Variants in GZMH observed in about 807,000 individuals in gnomAD.
The protein encoded by GZMH is cathepsin G-like 2, protein h-CCPX.
In GZMH, 24 loss-of-function variants were observed where a neutral mutation model predicts 20.7. The ratio of observed to expected loss-of-function variants is 1.16; its 90% CI spans 0.84 to 1.63. The LOEUF is 1.63. GZMH is among the 40% of genes most tolerant of loss of function. GZMH has a pLI of 0.00. For synonymous variants in GZMH, 119 were observed against 116.1 expected (o/e 1.02, Z -0.16); for missense variants, 344 against 302.7 (o/e 1.14, Z -1.01).
In GZMH at chr14:24,607,393, G is replaced by A; in HGVS notation, c.353C>T (p.Ala118Val). 3 of 1,596,792 alleles carry A rather than the reference G, an allele frequency of 1.9e-6. No homozygotes were observed. Among genetic ancestry groups the A allele is most frequent in the Non-Finnish European group, 2.6e-6 (3 of 1,168,074 alleles). ...DIMLLQLERK[A>V]KWTTAVRPLR... ...AGGCCGCACAGCTGTGGTCCACTTG[G>A]CCTTTCTCTCCAGCTGGTGGGGAAG... The change falls in exon 4 of 5, where the codon GCC (alanine) becomes GTC (valine). Residue 118 changes from alanine to valine, a missense_variant. By Grantham distance (64) the Ala-to-Val change is moderately conservative. Coordinates refer to ENST00000216338, the MANE Select transcript of GZMH (RefSeq NM_033423.5).
intron 4 of GZMH, 142 bp downstream of exon 4, chr14:24,607,007 G>C: frequency 1.1e-6 from 1 of 879,864 alleles, no homozygotes; most frequent in South Asian, 1.6e-5. Context: ...CCAAGGAGTG[G>C]ACTAAAGACT....
chr14:24,607,224 A>T lies in GZMH; in HGVS notation c.522T>A (p.Arg174=), dbSNP rs747212291. ...LTVQKDCQCE[R]LFHGNYSRAT... Reference sequence around the variant, plus strand: ...CTCTGCTGTAATTGCCATGGAAGAGACGTTCACACTGGCAGTCCTTCTGCA... The same window carrying T: ...CTCTGCTGTAATTGCCATGGAAGAGTCGTTCACACTGGCAGTCCTTCTGCA... The change falls in exon 4 of 5, where the codon CGT becomes CGA. Residue 174 remains arginine, a synonymous_variant. Transcript: ENST00000216338. 7 of 1,613,902 alleles carry T rather than the reference A, an allele frequency of 4.3e-6. No individual in the cohort carries two copies. The East Asian group carries it at 1.6e-4, about 36-fold the overall frequency.
rs1178334318 is a variant in GZMH, at chr14:24,609,672, T to C, written c.-59A>G. 8 of 1,281,136 alleles carry C rather than the reference T, an allele frequency of 6.2e-6. No individual in the cohort carries two copies. The highest frequency in any genetic ancestry group is 6.7e-6 in the Non-Finnish European group (6 of 890,386). 79.4% of individuals were successfully genotyped at this position (1,281,136 alleles called of 1,614,324 possible). A position where few individuals can be genotyped will look rare whatever the true frequency, so the allele number is the denominator to read the frequency against. ...GGTGTTGACTCCTTCCAGAAACAAA[T>C]GCTGGAGGGAGATGAAGGAGGGATG... On this transcript the variant is annotated 5_prime_UTR_variant, in exon 1 of 5. Coordinates refer to ENST00000216338, the MANE Select transcript of GZMH (RefSeq NM_033423.5).
chr14:24,607,862 AG>A, intron 2 of GZMH, 115 bp from the exon 3 acceptor site: 13 of 1,469,720 alleles, frequency 8.8e-6, no homozygotes, highest in Non-Finnish European at 1.2e-5. Flanking sequence ...GGGAAGTTGA[AG>A]GGACAGGAGG....
chr14:24,608,376 G>A lies in GZMH; in HGVS notation c.92C>T (p.Ser31Phe). The A allele has an allele frequency of 1.9e-6, 3 of 1,614,162 alleles. No individual in the cohort carries two copies. Among genetic ancestry groups the A allele is most frequent in the Non-Finnish European group, 2.5e-6 (3 of 1,179,984 alleles). Residue 31 changes from serine to phenylalanine, a missense_variant, in exon 2 of 5, where the codon TCC becomes TTC. Ser to Phe is a radical substitution (Grantham distance 155, BLOSUM62 -2). Coordinates refer to ENST00000216338, the MANE Select transcript of GZMH (RefSeq NM_033423.5). ...IIGGHEAKPH[S>F]RPYMAFVQFL... Reference sequence around the variant, plus strand: ...CTGAACAAAGGCCATGTAGGGGCGGGAGTGGGGCTTGGCCTCATGGCCCCC... The same window carrying A: ...CTGAACAAAGGCCATGTAGGGGCGGAAGTGGGGCTTGGCCTCATGGCCCCC...
At chr14:24,608,518 A>G (rs879027221) in intron 1 of GZMH, 106 bp from the exon 2 acceptor site, 1 of 1,270,124 alleles carries the variant, frequency 7.9e-7, no homozygotes, top group South Asian at 1.3e-5. Flanking sequence ...TGCTGCAGAC[A>G]GTGAGGGAGG....
In GZMH at chr14:24,608,331, C is replaced by T. The variant is rs74642009; in HGVS notation, c.137G>A (p.Arg46Gln). The T allele has an allele frequency of 3.1e-4, 496 of 1,614,192 alleles. 5 individuals carry two copies. The East Asian group carries it at 9.0e-3, about 29-fold the overall frequency. The change falls in exon 2 of 5, where the codon CGG (arginine) becomes CAG (glutamine). Residue 46 changes from arginine (R) to glutamine (Q), a missense_variant. Transcript: ENST00000216338. ...AFVQFLQEKS[R>Q]KRCGGILVRK... is the part of the protein sequence containing the mutation. ...CACTAGGATGCCGCCACACCTCTTC[C>T]GACTCTTCTCTTGCAGAAACTGAAC...
Position 24,606,732 on chromosome 14 carries a change from C to A in GZMH, c.612G>T (p.Gly204=). The change falls in exon 5 of 5, where the codon GGG becomes GGT. Residue 204 remains glycine (G), a synonymous_variant. Coordinates refer to ENST00000216338, the MANE Select transcript of GZMH (RefSeq NM_033423.5). ...TQTGFKGDSG[G]PLVCKDVAQG... ...GGGCTACGTCCTTACACACGAGGGGCCCCCCGGAGTCCCCCTGTGAACAGA... is the reference window on the plus strand; with the variant it reads ...GGGCTACGTCCTTACACACGAGGGGACCCCCGGAGTCCCCCTGTGAACAGA... 6.2e-7 allele frequency: 1 copy of A among 1,611,988 alleles called. No individual in the cohort carries two copies. Among genetic ancestry groups the A allele is most frequent in the Non-Finnish European group, 8.5e-7 (1 of 1,178,502 alleles).
At chr14:24,609,538 G>A (rs1432052055) in intron 1 of GZMH, 21 bp downstream of exon 1, 1 of 1,574,484 alleles carries the variant, frequency 6.4e-7, no homozygotes, top group East Asian at 2.3e-5. Context: ...TCAGGCCTCT[G>A]GAATAGGGAT....
Position 24,609,561 on chromosome 14 carries a change from G to C in GZMH, c.53C>G (p.Thr18Arg). The C allele has an allele frequency of 2.5e-6, 4 of 1,605,264 alleles. No homozygotes were observed. Among genetic ancestry groups the C allele is most frequent in the Non-Finnish European group, 3.4e-6 (4 of 1,174,410 alleles). Reference sequence around the variant, plus strand: ...CTGGAATAGGGATAGTCACTTACCTGTCCCAGCCCCAGGGGTCAGAAGAAA... The same window carrying C: ...CTGGAATAGGGATAGTCACTTACCTCTCCCAGCCCCAGGGGTCAGAAGAAA... ...LAFLLTPGAG[T>R]EEIIGGHEAK... Residue 18 changes from threonine (T) to arginine (R), a missense_variant and splice_region_variant, in exon 1 of 5, where the codon ACA (threonine) becomes AGA (arginine). Transcript: ENST00000216338.
At chr14:24,609,421 T>C in intron 1 of GZMH, 138 bp downstream of exon 1, 1 of 565,230 alleles carries the variant, frequency 1.8e-6, no homozygotes, top group Non-Finnish European at 3.2e-6. Context: ...GCTGAGTGTC[T>C]ATCTAGCCTC....
chr14:24,606,839 T>C, intron 4 of GZMH, 93 bp from the exon 5 acceptor site: 1 of 1,171,812 alleles, frequency 8.5e-7, no homozygotes. Flanking sequence ...CAGGCAGGCC[T>C]TGTCACTCAC....
At chr14:24,608,158 G>T in intron 2 of GZMH, 107 bp downstream of exon 2, 1 of 1,221,164 alleles carries the variant, frequency 8.2e-7, no homozygotes, top group Non-Finnish European at 1.2e-6. Context: ...GCTTTCATGG[G>T]CTTGTGTTAC....
rs553803794 is a variant in GZMH, at chr14:24,606,820, C to T, written c.598-74G>A. 244 of 1,382,226 alleles carry T rather than the reference C, an allele frequency of 1.8e-4. 2 individuals carry two copies. In the East Asian group the frequency reaches 5.5e-3, roughly 31 times the overall value. The allele number at this position is 1,382,226 out of a possible 1,614,324, so 85.6% of individuals were successfully genotyped here. A position where few individuals can be genotyped will look rare whatever the true frequency, so the allele number is the denominator to read the frequency against. On this transcript the variant is annotated intron_variant, in intron 4 of 4. Transcript: ENST00000216338. Reference sequence around the variant, plus strand: ...GGTCTCTGTTATGGATTTTGTGTGACATCAGTGCCAGGCAGGCCTTGTCAC... The same window carrying T: ...GGTCTCTGTTATGGATTTTGTGTGATATCAGTGCCAGGCAGGCCTTGTCAC...
In GZMH at chr14:24,607,303, C is replaced by T. The variant is rs758448763; in HGVS notation, c.443G>A (p.Gly148Asp). 4 of 1,613,984 alleles carry T rather than the reference C, an allele frequency of 2.5e-6. No homozygotes were observed. The highest frequency in any genetic ancestry group is 2.2e-5 in the East Asian group (1 of 44,884). The stretch of plus-strand genomic sequence containing the variant: ...TGCTAAAGTGCTCATTGAGACATAA[C>T]CCCAGCCAGCCACACTGCACAGCTG... ...PGQLCSVAGWGYVSMSTLATT... is the reference protein window; with the variant it reads ...PGQLCSVAGWDYVSMSTLATT... The change falls in exon 4 of 5, where the codon GGT becomes GAT. Residue 148 changes from glycine (G) to aspartate (D), a missense_variant. Physicochemically the swap from Gly to Asp is moderately conservative, Grantham distance 94. Coordinates refer to ENST00000216338, the MANE Select transcript of GZMH (RefSeq NM_033423.5).
Position 24,609,610 on chromosome 14 carries a change from G to A in GZMH, c.4C>T (p.Gln2Ter), listed in dbSNP as rs1411716590. The change falls in exon 1 of 5, where the codon CAG (glutamine) becomes TAG (stop). Residue 2 changes from glutamine (Q) to a stop codon, truncating the protein, a stop_gained. Transcript: ENST00000216338. LOFTEE classifies it high-confidence loss of function. M[Q>*]PFLLLLAFLL... ...AAGGCCAACAGGAGGAGGAATGGCT[G>A]CATTTTCTCAGGAAGGCTGCCCAGG... 1 of 1,610,442 alleles carries A rather than the reference G, an allele frequency of 6.2e-7. No individual in the cohort carries two copies.
chr14:24,607,652 T>C lies in GZMH; in HGVS notation c.299A>G (p.Tyr100Cys), dbSNP rs1015203483. The change falls in exon 3 of 5, where the codon TAT becomes TGT. Residue 100 changes from tyrosine (Y) to cysteine (C), a missense_variant. Tyr to Cys is a radical substitution (Grantham distance 194). Transcript: ENST00000216338. The stretch of plus-strand genomic sequence containing the variant: ...GTCGTTGGAGAAGTTCTTAGGATTA[T>C]AGGCTGGATGGGGGATGGGTCTTTT... ...PVKRPIPHPA[Y>C]NPKNFSNDIM... 5 of 1,613,120 alleles carry C rather than the reference T, an allele frequency of 3.1e-6. No homozygotes were observed. The highest frequency in any genetic ancestry group is 2.7e-5 in the African/African-American group (2 of 74,904).
In GZMH at chr14:24,609,351, C is replaced by T. The variant is rs551422470; in HGVS notation, c.55+208G>A. ...ACACTCCAGGTCATAAAGGAGAGGTCTAGGGAGAGGCTAACACCCATTAAA... is the reference window on the plus strand; with the variant it reads ...ACACTCCAGGTCATAAAGGAGAGGTTTAGGGAGAGGCTAACACCCATTAAA... On this transcript the variant is annotated intron_variant, in intron 1 of 4. Coordinates refer to ENST00000216338, the MANE Select transcript of GZMH (RefSeq NM_033423.5). Among the ~76,000 whole-genome samples the T allele has an allele frequency of 3.8e-3, 582 of 152,322 alleles. 2 individuals carry two copies. The highest frequency in any genetic ancestry group is 0.014 in the South Asian group (69 of 4,826).
chr14:24,606,953 A>T (rs544288939), intron 4 of GZMH, among the ~76,000 whole-genome samples, 196 bp downstream of exon 4: 6 of 152,218 alleles, frequency 3.9e-5, no homozygotes, highest in African/African-American at 1.4e-4. Flanking sequence ...GTGATAAGTG[A>T]CTGTCGGATG....
Sources: gnomAD v4.1 joint callset for allele counts (sites outside exome capture counted in the v4.1 genomes callset) on GRCh38, gnomAD v4.1.1 for gene constraint, MANE v1.5 for transcripts, NCBI Gene and HGNC (gene_info 2026-07-23, HGNC 2026-07-21) for gene names.